The following EMCN variants were observed in gnomAD, a reference collection of about 807,000 sequenced individuals.
The protein encoded by EMCN is endomucin, also known as MUC-14.
A neutral mutation model predicts 38.4 loss-of-function variants in EMCN; 37 were observed. The observed-to-expected ratio is 0.96, with a 90% CI of 0.74 to 1.27. The LOEUF is 1.27. EMCN is among the 50% of genes most tolerant of loss of function. The pLI is 0.00. For synonymous variants in EMCN, 95 were observed against 100.8 expected, an observed-to-expected ratio of 0.94 and a Z score of 0.35; for missense variants, 318 against 302.8, an observed-to-expected ratio of 1.05 and a Z score of -0.37.
chr4:100,514,399 C>T (rs1016152639), intron 1 of EMCN, among the ~76,000 whole-genome samples: 1 of 151,998 alleles, frequency 6.6e-6, no homozygotes, highest in Non-Finnish European at 1.5e-5. Context: ...TCTTCCTAGA[C>T]CCTTCTTTTC....
chr4:100,458,060 G>A (rs912930971), intron 4 of EMCN, among the ~76,000 whole-genome samples: 1 of 151,904 alleles, frequency 6.6e-6, no homozygotes, highest in Non-Finnish European at 1.5e-5. Context: ...AGTTTGCAGT[G>A]AGCCGAGATT....
At chr4:100,470,393 G>T (rs1009758871) in intron 3 of EMCN, among the ~76,000 whole-genome samples, 1 of 98,288 alleles carries the variant, frequency 1.0e-5, no homozygotes, top group Non-Finnish European at 2.3e-5. Context: ...AAAAAAACAG[G>T]TGCCAGTGAG....
At chr4:100,434,970 C>A (rs115612289) in intron 5 of EMCN, among the ~76,000 whole-genome samples, 1,530 of 152,238 alleles carry the variant, frequency 0.01, 16 homozygotes, top group African/African-American at 0.035. Flanking sequence ...CAGCACAAGA[C>A]AAGGATCCCC....
chr4:100,465,658 C>A, intron 3 of EMCN, 119 bp from the exon 4 acceptor site: 2 of 497,096 alleles, frequency 4.0e-6, no homozygotes, highest in Non-Finnish European at 7.0e-6. Flanking sequence ...TCTGACTAAG[C>A]CTTAGAAATC....
intron 1 of EMCN, among the ~76,000 whole-genome samples, chr4:100,514,816 T>C (rs1283793326): frequency 2.6e-5 from 4 of 152,142 alleles, no homozygotes; most frequent in East Asian, 1.9e-4. Context: ...CCGTTTCAGA[T>C]GTCCTTACAT....
At chr4:100,442,563 AT>A (rs1327331028) in intron 5 of EMCN, among the ~76,000 whole-genome samples, 1 of 151,630 alleles carries the variant, frequency 6.6e-6, no homozygotes, top group African/African-American at 2.4e-5. Context: ...TGTCTTCACT[AT>A]TTTTTATTCT....
chr4:100,447,448 C>T, intron 5 of EMCN, 85 bp downstream of exon 5: 2 of 940,586 alleles, frequency 2.1e-6, no homozygotes, highest in Non-Finnish European at 1.7e-6. Flanking sequence ...TCTCCCTGCC[C>T]CCAAACTGAT....
intron 10 of EMCN, 63 bp downstream of exon 10, chr4:100,415,835 C>A: frequency 8.8e-7 from 1 of 1,138,172 alleles, no homozygotes; most frequent in Non-Finnish European, 1.3e-6. Context: ...GAACAAAATC[C>A]AAGGTTATAG....
intron 5 of EMCN, among the ~76,000 whole-genome samples, chr4:100,442,809 G>A: frequency 7.3e-6 from 1 of 136,154 alleles, no homozygotes; most frequent in African/African-American, 2.4e-5. Flanking sequence ...GTATTCTCTT[G>A]AATCTCCAAG....
intron 1 of EMCN, among the ~76,000 whole-genome samples, chr4:100,482,558 G>A (rs754041313): frequency 3.3e-5 from 5 of 152,054 alleles, no homozygotes; most frequent in Non-Finnish European, 7.4e-5. Context: ...AGAAGTGAAA[G>A]GTATTTCAGA....
At chr4:100,452,602 C>A (rs1283044654) in intron 4 of EMCN, among the ~76,000 whole-genome samples, 2 of 152,230 alleles carry the variant, frequency 1.3e-5, no homozygotes, top group East Asian at 3.9e-4. Flanking sequence ...CAATCCTTTA[C>A]AGTGTGCAAG....
At position 100,421,301 on chromosome 4, in the gene EMCN, C is replaced by T. The variant is rs368512837; in HGVS notation, c.645G>A (p.Met215Ile). 27 of 1,612,566 alleles carry T rather than the reference C, an allele frequency of 1.7e-5. No homozygotes were observed. Among genetic ancestry groups the T allele is most frequent in the Non-Finnish European group, 2.0e-5 (23 of 1,179,050 alleles). Reference protein sequence around the residue: ...SVFVLVGLYRMCWKADPGTPE... With the variant: ...SVFVLVGLYRICWKADPGTPE... ...ACCTACCCGGATCTGCCTTCCAGCA[C>T]ATTCGGTACAAACCCACCAGAACAA... The change falls in exon 8 of 12, where the codon ATG (methionine) becomes ATA (isoleucine). Residue 215 changes from methionine (M) to isoleucine (I), a missense_variant. Met to Ile is a conservative substitution (Grantham distance 10). Transcript: ENST00000296420.
intron 10 of EMCN, among the ~76,000 whole-genome samples, chr4:100,412,527 A>G (rs1726592666): frequency 6.6e-6 from 1 of 152,184 alleles, no homozygotes; most frequent in Non-Finnish European, 1.5e-5. Context: ...GATAATGTGT[A>G]TTAACTGTCT....
intron 5 of EMCN, among the ~76,000 whole-genome samples, chr4:100,444,630 G>C (rs1027006543): frequency 2.6e-5 from 4 of 152,152 alleles, no homozygotes; most frequent in African/African-American, 9.7e-5. Context: ...TGGCCCTAGA[G>C]GGTAGGAAGT....
chr4:100,458,064 C>T (rs552612791), intron 4 of EMCN, among the ~76,000 whole-genome samples: 3 of 151,562 alleles, frequency 2.0e-5, no homozygotes, highest in Admixed American at 6.6e-5. Context: ...TGCAGTGAGC[C>T]GAGATTGTGC....
chr4:100,475,503 T>G (rs1212264337), intron 2 of EMCN, among the ~76,000 whole-genome samples: 1 of 147,860 alleles, frequency 6.8e-6, no homozygotes, highest in Non-Finnish European at 1.5e-5. Flanking sequence ...GTATCATGCC[T>G]TTTTTTTTTC....
At chr4:100,497,957 T>A (rs1729253384) in intron 1 of EMCN, among the ~76,000 whole-genome samples, 2 of 152,186 alleles carry the variant, frequency 1.3e-5, no homozygotes, top group Non-Finnish European at 2.9e-5. Flanking sequence ...AATCTTATTT[T>A]CAAATGGTAC....
intron 3 of EMCN, among the ~76,000 whole-genome samples, chr4:100,467,522 CA>C (rs1168156799): frequency 9.5e-5 from 14 of 146,928 alleles, no homozygotes; most frequent in East Asian, 4.0e-4. Flanking sequence ...ACTAAAAATA[CA>C]AAAAAAAAAT....
chr4:100,498,448 G>T (rs1296417455), intron 1 of EMCN, among the ~76,000 whole-genome samples: 1 of 151,754 alleles, frequency 6.6e-6, no homozygotes, highest in Non-Finnish European at 1.5e-5. Context: ...AAATATCTCT[G>T]TCATGAAAGT....
Sources: allele counts gnomAD v4.1 joint callset (sites outside exome capture counted in the v4.1 genomes callset), GRCh38; gene constraint gnomAD v4.1.1; transcripts MANE v1.5; gene names NCBI Gene and HGNC (gene_info 2026-07-23, HGNC 2026-07-21).